The following PTPRT variants were observed in gnomAD, a reference collection of about 807,000 sequenced individuals.
The protein encoded by PTPRT is protein tyrosine phosphatase receptor type T.
A neutral mutation model predicts 176.8 loss-of-function variants in PTPRT; 56 were observed. The observed-to-expected ratio is 0.32, with a 90% CI of 0.26 to 0.40. The LOEUF (loss-of-function observed/expected upper bound fraction) is 0.40. PTPRT is among the 10% of genes least tolerant of loss of function. The pLI is 1.00. For synonymous variants in PTPRT, 783 were observed against 739.0 expected (o/e 1.06, Z -0.96); for missense variants, 1,540 against 1,908.2 (o/e 0.81, Z 3.60).
At chr20:42,856,498 TAA>T (rs904447632) in intron 2 of PTPRT, among the ~76,000 whole-genome samples, 3 of 151,898 alleles carry the variant, frequency 2.0e-5, no homozygotes, top group African/African-American at 7.3e-5. Flanking sequence ...CCAGGAAAAT[TAA>T]AGAGAATTTA....
chr20:42,969,860 C>T (rs1982520711), intron 1 of PTPRT, among the ~76,000 whole-genome samples: 2 of 152,288 alleles, frequency 1.3e-5, no homozygotes, highest in Admixed American at 6.5e-5. Flanking sequence ...TACTATATTG[C>T]TTTCCTTTAA....
intron 9 of PTPRT, among the ~76,000 whole-genome samples, chr20:42,400,375 A>G (rs1400191855): frequency 6.6e-6 from 1 of 152,120 alleles, no homozygotes; most frequent in African/African-American, 2.4e-5. Context: ...GTCCTATGCT[A>G]TGTCCTAGGG....
chr20:43,185,352 C>T (rs879387778), intron 1 of PTPRT, among the ~76,000 whole-genome samples: 1 of 152,082 alleles, frequency 6.6e-6, no homozygotes, highest in South Asian at 2.1e-4. Context: ...CAGTTGATCT[C>T]CAGGTTAGGG....
intron 11 of PTPRT, among the ~76,000 whole-genome samples, chr20:42,317,269 T>G (rs1456363616): frequency 6.6e-6 from 1 of 152,254 alleles, no homozygotes; most frequent in Non-Finnish European, 1.5e-5. Flanking sequence ...TAGAGATGAC[T>G]GATCCTTTAT....
chr20:43,144,541 ACCCACTCTAT>A (rs1458510785), intron 1 of PTPRT, among the ~76,000 whole-genome samples: 1 of 151,988 alleles, frequency 6.6e-6, no homozygotes, highest in African/African-American at 2.4e-5. Flanking sequence ...CTACCACCTT[ACCCACTCTAT>A]CCATTTTCCT....
intron 7 of PTPRT, among the ~76,000 whole-genome samples, chr20:42,502,658 A>G (rs1401841663): frequency 6.6e-6 from 1 of 152,082 alleles, no homozygotes; most frequent in Non-Finnish European, 1.5e-5. Flanking sequence ...ATATGAATAG[A>G]TATAAACTAT....
At chr20:42,338,789 G>C (rs954877002) in intron 11 of PTPRT, among the ~76,000 whole-genome samples, 2 of 152,150 alleles carry the variant, frequency 1.3e-5, no homozygotes, top group Admixed American at 6.5e-5. Flanking sequence ...ATTCTGAGAA[G>C]TTCTGCAAAT....
chr20:42,845,878 G>T (rs1868766920), intron 2 of PTPRT, among the ~76,000 whole-genome samples: 1 of 152,188 alleles, frequency 6.6e-6, no homozygotes, highest in Non-Finnish European at 1.5e-5. Flanking sequence ...AGGGCTCAGG[G>T]TTAAACCCAG....
At chr20:42,510,345 T>C (rs1200466730) in intron 7 of PTPRT, among the ~76,000 whole-genome samples, 3 of 152,140 alleles carry the variant, frequency 2.0e-5, no homozygotes, top group Non-Finnish European at 4.4e-5. Context: ...TTGTAGCCTA[T>C]ATTCTTCTTG....
intron 6 of PTPRT, among the ~76,000 whole-genome samples, chr20:42,712,152 T>C (rs967556669): frequency 2.0e-5 from 3 of 151,576 alleles, no homozygotes; most frequent in Non-Finnish European, 4.4e-5. Flanking sequence ...GGTATCTCAT[T>C]AGGAAAATAA....
chr20:42,169,791 C>CACACAA (rs752547377), intron 16 of PTPRT, among the ~76,000 whole-genome samples: 98 of 98,410 alleles, frequency 1.0e-3, no homozygotes, highest in African/African-American at 3.0e-3. Context: ...CACACACACA[C>CACACAA]AACAGTCAGT....
intron 9 of PTPRT, among the ~76,000 whole-genome samples, chr20:42,368,663 T>G (rs958619729): frequency 6.6e-6 from 1 of 152,202 alleles, no homozygotes; most frequent in Non-Finnish European, 1.5e-5. Context: ...TAAAAGGTGC[T>G]GGGTGTTTCA....
chr20:42,999,821 T>C (rs2146126337), intron 1 of PTPRT, among the ~76,000 whole-genome samples: 1 of 151,968 alleles, frequency 6.6e-6, no homozygotes, highest in African/African-American at 2.4e-5. Flanking sequence ...TAAATAAAAA[T>C]GACTCTGAGC....
chr20:42,183,984 C>A (rs1034555953), intron 16 of PTPRT, among the ~76,000 whole-genome samples: 1 of 152,098 alleles, frequency 6.6e-6, no homozygotes, highest in Admixed American at 6.5e-5. Context: ...TTCCAGCCTA[C>A]CCTAGATGTT....
intron 2 of PTPRT, among the ~76,000 whole-genome samples, chr20:42,870,322 G>A (rs2078823167): frequency 6.6e-6 from 1 of 152,128 alleles, no homozygotes; most frequent in Non-Finnish European, 1.5e-5. Flanking sequence ...CCATGTTGTA[G>A]CATGTGCCAG....
At chr20:42,064,892 G>A in the PTPRT span, among the ~76,000 whole-genome samples, 1 of 152,198 alleles carries the variant, frequency 6.6e-6, no homozygotes, top group East Asian at 1.9e-4. Flanking sequence ...CAAAGGTCAG[G>A]TGGGAAAAGG....
At chr20:43,171,285 A>G (rs917417335) in intron 1 of PTPRT, among the ~76,000 whole-genome samples, 2 of 152,240 alleles carry the variant, frequency 1.3e-5, no homozygotes, top group African/African-American at 4.8e-5. Context: ...TGCTGAAAGT[A>G]TCCTAGAAAT....
intron 2 of PTPRT, among the ~76,000 whole-genome samples, chr20:42,815,192 A>C (rs554807739): frequency 1.3e-5 from 2 of 152,326 alleles, no homozygotes; most frequent in South Asian, 4.1e-4. Flanking sequence ...GTAAAGACCA[A>C]GCAGACATAG....
chr20:42,058,705 C>A, the PTPRT span, among the ~76,000 whole-genome samples: 2 of 152,194 alleles, frequency 1.3e-5, no homozygotes, highest in African/African-American at 4.8e-5. Flanking sequence ...TAGAGGAAAT[C>A]TTTCTCCAAA....
Sources: allele counts gnomAD v4.1 joint callset (sites outside exome capture counted in the v4.1 genomes callset), GRCh38; gene constraint gnomAD v4.1.1; transcripts MANE v1.5; gene names NCBI Gene and HGNC (gene_info 2026-07-23, HGNC 2026-07-21).